Variants in CSMD2 observed in about 807,000 individuals in gnomAD.
The protein encoded by CSMD2 is CUB and sushi domain-containing protein 2.
A neutral mutation model predicts 398.5 loss-of-function variants in CSMD2; 130 were observed. That is an observed-to-expected ratio of 0.33 (90% CI 0.28 to 0.38). The LOEUF is 0.38. CSMD2 is among the 10% of genes least tolerant of loss of function. The pLI, the probability that CSMD2 is intolerant of heterozygous loss-of-function variation, is 1.00. For synonymous variants in CSMD2, 1,828 were observed against 1,908.5 expected (o/e 0.96, Z 1.10); for missense variants, 3,829 against 4,764.9 (o/e 0.80, Z 5.78).
chr1:33,792,544 G>A lies in CSMD2; in HGVS notation c.1447-18C>T, dbSNP rs751001973. On this transcript the variant is annotated intron_variant, in intron 10 of 70. Coordinates refer to ENST00000373381, the MANE Select transcript of CSMD2 (RefSeq NM_001281956.2). The stretch of plus-strand genomic sequence containing the variant: ...TTGATCACCTAGGGAGGGAACACAG[G>A]GTTAGGAGCAGGCAGGGGCTGTGAG... 14 of 1,571,946 alleles carry A rather than the reference G, an allele frequency of 8.9e-6. No individual in the cohort carries two copies. The East Asian group carries it at 1.1e-4, about 13-fold the overall frequency.
chr1:33,980,029 A>C (rs1210086571), intron 3 of CSMD2, among the ~76,000 whole-genome samples: 1 of 152,152 alleles, frequency 6.6e-6, no homozygotes, highest in Non-Finnish European at 1.5e-5. Flanking sequence ...TGGTAGATAG[A>C]ACAAGTGTCC....
At chr1:33,569,915 A>T (rs11590251) in intron 51 of CSMD2, among the ~76,000 whole-genome samples, 11,768 of 152,246 alleles carry the variant, frequency 0.077, 502 homozygotes, top group Middle Eastern at 0.099. Flanking sequence ...GACACTGCTA[A>T]TCAATTTCCT....
intron 2 of CSMD2, among the ~76,000 whole-genome samples, chr1:34,046,549 A>G (rs1490259254): frequency 6.6e-6 from 1 of 152,164 alleles, no homozygotes; most frequent in Non-Finnish European, 1.5e-5. Flanking sequence ...AGACAAATAC[A>G]GTTGGATCCA....
intron 1 of CSMD2, among the ~76,000 whole-genome samples, chr1:34,151,599 G>A (rs1041796653): frequency 2.0e-5 from 3 of 152,090 alleles, no homozygotes; most frequent in Non-Finnish European, 4.4e-5. Flanking sequence ...CATAAGTGGA[G>A]GAGATTGGCA....
intron 1 of CSMD2, among the ~76,000 whole-genome samples, chr1:34,098,605 G>A (rs550820797): frequency 1.8e-3 from 268 of 152,038 alleles, no homozygotes; most frequent in African/African-American, 6.1e-3. Context: ...ACATGAAATG[G>A]TATTGCATGA....
intron 5 of CSMD2, among the ~76,000 whole-genome samples, chr1:33,911,824 G>C (rs1333167887): frequency 6.6e-6 from 1 of 152,188 alleles, no homozygotes; most frequent in Non-Finnish European, 1.5e-5. Flanking sequence ...CTCAAAGGTA[G>C]ATGCCAGAGC....
intron 3 of CSMD2, among the ~76,000 whole-genome samples, chr1:33,951,532 G>A (rs1645007660): frequency 6.6e-6 from 1 of 152,158 alleles, no homozygotes; most frequent in African/African-American, 2.4e-5. Flanking sequence ...ATCGTTGACT[G>A]CCAAGAAAAA....
chr1:33,624,491 C>T lies in CSMD2; in HGVS notation c.5625+28G>A. ...TTACCTGGGAGCAGACGGCCACCTGCCCGACCGAGGCGCCCCCTTGCCCCT... is the reference window on the plus strand; with the variant it reads ...TTACCTGGGAGCAGACGGCCACCTGTCCGACCGAGGCGCCCCCTTGCCCCT... On this transcript the variant is annotated intron_variant, in intron 35 of 70. Coordinates refer to ENST00000373381, the MANE Select transcript of CSMD2 (RefSeq NM_001281956.2). The surrounding 1 kb of genome is among the most constrained non-coding windows in gnomAD (Gnocchi z 4.7). 1 of 1,610,016 alleles carries T rather than the reference C, an allele frequency of 6.2e-7. No individual in the cohort carries two copies. Among genetic ancestry groups the T allele is most frequent in the Admixed American group, 1.7e-5 (1 of 59,880 alleles).
intron 5 of CSMD2, among the ~76,000 whole-genome samples, chr1:33,852,341 C>T (rs1638771206): frequency 6.6e-6 from 1 of 152,208 alleles, no homozygotes; most frequent in African/African-American, 2.4e-5. Context: ...AATGGTTGAA[C>T]CCACTGGCTC....
chr1:33,979,016 G>A (rs1321380351), intron 3 of CSMD2, among the ~76,000 whole-genome samples: 1 of 152,152 alleles, frequency 6.6e-6, no homozygotes, highest in Non-Finnish European at 1.5e-5. Context: ...ATCAACCACA[G>A]CCATCTCCAC....
intron 2 of CSMD2, among the ~76,000 whole-genome samples, chr1:34,069,168 C>T (rs1236315192): frequency 6.6e-6 from 1 of 152,210 alleles, no homozygotes; most frequent in East Asian, 1.9e-4. Context: ...CCTTCTTTTA[C>T]TCTGTACTGG....
chr1:33,666,748 C>T (rs1036508644), intron 25 of CSMD2, among the ~76,000 whole-genome samples: 3 of 152,048 alleles, frequency 2.0e-5, no homozygotes, highest in African/African-American at 7.2e-5. Flanking sequence ...AGCACAAACA[C>T]ACATACTCAC....
intron 12 of CSMD2, among the ~76,000 whole-genome samples, chr1:33,785,537 A>G (rs1209398374): frequency 6.6e-6 from 1 of 152,236 alleles, no homozygotes; most frequent in East Asian, 1.9e-4. Flanking sequence ...CAGCCATTTT[A>G]TCATTGTAAG....
At chr1:33,866,456 A>T (rs772712684) in intron 5 of CSMD2, among the ~76,000 whole-genome samples, 41 of 152,182 alleles carry the variant, frequency 2.7e-4, no homozygotes, top group Non-Finnish European at 5.7e-4. Flanking sequence ...ATTCCACTTG[A>T]CAACTTTGTA....
chr1:33,720,236 C>G (rs1646314383), intron 19 of CSMD2, among the ~76,000 whole-genome samples: 1 of 152,120 alleles, frequency 6.6e-6, no homozygotes, highest in African/African-American at 2.4e-5. Flanking sequence ...AGCCAGAAGC[C>G]AAGAAAACTA....
intron 3 of CSMD2, among the ~76,000 whole-genome samples, chr1:34,005,667 C>T (rs1647033487): frequency 6.6e-6 from 1 of 152,184 alleles, no homozygotes; most frequent in Non-Finnish European, 1.5e-5. Flanking sequence ...GCCTCAGTTT[C>T]CTTGACTCAT....
At chr1:33,995,628 C>T (rs1333373586) in intron 3 of CSMD2, among the ~76,000 whole-genome samples, 2 of 152,192 alleles carry the variant, frequency 1.3e-5, no homozygotes, top group Non-Finnish European at 2.9e-5. Flanking sequence ...AAAAACATGG[C>T]AGCTATCTCA....
At chr1:33,660,400 G>T (rs1157564818) in intron 26 of CSMD2, among the ~76,000 whole-genome samples, 1 of 152,134 alleles carries the variant, frequency 6.6e-6, no homozygotes, top group South Asian at 2.1e-4. Context: ...CCGGGGAAAG[G>T]CTGGATCCAC....
chr1:33,979,886 C>G (rs946473594), intron 3 of CSMD2, among the ~76,000 whole-genome samples: 1 of 152,168 alleles, frequency 6.6e-6, no homozygotes, highest in Admixed American at 6.5e-5. Context: ...CAGTTTAGAG[C>G]AATGCCAGGC....
Sources: allele counts gnomAD v4.1 joint callset (sites outside exome capture counted in the v4.1 genomes callset), GRCh38; gene constraint gnomAD v4.1.1; non-coding constraint Gnocchi (gnomAD v3.1); transcripts MANE v1.5; gene names NCBI Gene and HGNC (gene_info 2026-07-23, HGNC 2026-07-21).